Variants in TAFA1 observed in about 807,000 individuals in gnomAD.
TAFA1 encodes the protein chemokine-like protein TAFA-1.
Under a neutral mutation model 18.5 loss-of-function variants are expected in TAFA1, and 4 were observed. The ratio of observed to expected loss-of-function variants is 0.22; its 90% CI spans 0.11 to 0.49. The LOEUF (loss-of-function observed/expected upper bound fraction) is 0.49. Among genes scored for constraint, TAFA1 ranks in the 20% least tolerant of loss-of-function variants. The pLI, the probability that TAFA1 is intolerant of heterozygous loss-of-function variation, is 0.98. For synonymous variants in TAFA1, 56 were observed against 55.2 expected (o/e 1.01, Z -0.06); for missense variants, 147 against 169.0 (o/e 0.87, Z 0.72).
chr3:68,144,875 A>G (rs761760014), intron 2 of TAFA1: 6 of 641,930 alleles, frequency 9.3e-6, no homozygotes, highest in African/African-American at 1.8e-5. Context: ...TTACATTTAC[A>G]TTCCATTTCC....
At chr3:68,309,947 C>T (rs1049659981) in intron 2 of TAFA1, among the ~76,000 whole-genome samples, 4 of 152,186 alleles carry the variant, frequency 2.6e-5, no homozygotes, top group African/African-American at 9.7e-5. Flanking sequence ...AGACTACTGC[C>T]AGCCCACATG....
chr3:68,052,002 A>C (rs1029047069), intron 2 of TAFA1, among the ~76,000 whole-genome samples: 10 of 152,152 alleles, frequency 6.6e-5, no homozygotes, highest in African/African-American at 2.2e-4. Context: ...CTTTGTTGTA[A>C]TTTAAGGAAG....
At chr3:68,317,027 T>G (rs115149406) in intron 2 of TAFA1, among the ~76,000 whole-genome samples, 165 of 152,314 alleles carry the variant, frequency 1.1e-3, no homozygotes, top group African/African-American at 3.8e-3. Flanking sequence ...ACTTAATATT[T>G]AGAATAGCTG....
intron 2 of TAFA1, among the ~76,000 whole-genome samples, chr3:68,019,416 C>A (rs1157447397): frequency 6.6e-6 from 1 of 152,184 alleles, no homozygotes; most frequent in Non-Finnish European, 1.5e-5. Flanking sequence ...GATAAATCTA[C>A]ATTTATTAGA....
intron 3 of TAFA1, among the ~76,000 whole-genome samples, chr3:68,465,647 G>A (rs1350470266): frequency 6.6e-6 from 1 of 152,150 alleles, no homozygotes; most frequent in Non-Finnish European, 1.5e-5. Flanking sequence ...GGTGAAATCT[G>A]TTCCAAAGTT....
chr3:68,417,477 T>C (rs1486678572), intron 3 of TAFA1, 57 bp downstream of exon 3: 2 of 1,527,306 alleles, frequency 1.3e-6, no homozygotes, highest in East Asian at 4.5e-5. Flanking sequence ...ATACATAATA[T>C]AATTTCTTGT....
At chr3:68,146,379 C>G (rs1028992903) in intron 2 of TAFA1, among the ~76,000 whole-genome samples, 14 of 152,078 alleles carry the variant, frequency 9.2e-5, no homozygotes, top group African/African-American at 3.4e-4. Flanking sequence ...TTAAGAGGTG[C>G]CTTTGACTCT....
At chr3:68,171,363 A>G (rs2066051239) in intron 2 of TAFA1, among the ~76,000 whole-genome samples, 1 of 152,198 alleles carries the variant, frequency 6.6e-6, no homozygotes. Context: ...TCCTTCTGAC[A>G]TGATAATATT....
At chr3:68,459,175 C>T (rs1231447389) in intron 3 of TAFA1, among the ~76,000 whole-genome samples, 4 of 152,180 alleles carry the variant, frequency 2.6e-5, no homozygotes, top group South Asian at 2.1e-4. Context: ...TGCTCATCAG[C>T]TGAGGGCAAT....
chr3:68,531,691 C>T (rs974273942), intron 3 of TAFA1, among the ~76,000 whole-genome samples: 1 of 152,140 alleles, frequency 6.6e-6, no homozygotes, highest in Non-Finnish European at 1.5e-5. Context: ...CTGCTGATCA[C>T]CAGCTTCAGG....
chr3:68,188,750 AGAACCATGGTAGG>A (rs1207697446), intron 2 of TAFA1, among the ~76,000 whole-genome samples: 2 of 151,946 alleles, frequency 1.3e-5, no homozygotes, highest in East Asian at 3.9e-4. Flanking sequence ...CACTAAGGAC[AGAACCATGGTAGG>A]GAACAATGAC....
intron 2 of TAFA1, among the ~76,000 whole-genome samples, chr3:68,280,945 C>T (rs1159542951): frequency 6.6e-6 from 1 of 151,998 alleles, no homozygotes; most frequent in African/African-American, 2.4e-5. Context: ...ATTATAACAC[C>T]AGTATCTATT....
intron 2 of TAFA1, among the ~76,000 whole-genome samples, chr3:68,056,160 T>C (rs2106714634): frequency 6.6e-6 from 1 of 152,298 alleles, no homozygotes; most frequent in East Asian, 1.9e-4. Flanking sequence ...GGTAAGAGTC[T>C]CAGCAGTTAT....
chr3:68,422,883 CTCAAT>C (rs2070982841), intron 3 of TAFA1, among the ~76,000 whole-genome samples: 1 of 151,862 alleles, frequency 6.6e-6, no homozygotes, highest in Admixed American at 6.6e-5. Context: ...GAGCATGCTA[CTCAAT>C]ATCTTTAGTT....
intron 3 of TAFA1, among the ~76,000 whole-genome samples, chr3:68,502,795 T>A (rs757240314): frequency 1.3e-5 from 2 of 152,078 alleles, no homozygotes; most frequent in African/African-American, 4.8e-5. Flanking sequence ...GTCTGAAGAT[T>A]TTCCCCACAA....
chr3:68,359,651 T>A (rs1559632687), intron 2 of TAFA1, among the ~76,000 whole-genome samples: 1 of 151,722 alleles, frequency 6.6e-6, no homozygotes, highest in East Asian at 1.9e-4. Flanking sequence ...ACACCTTGAG[T>A]TTAACCCAGT....
At chr3:68,451,063 T>C (rs1267042060) in intron 3 of TAFA1, among the ~76,000 whole-genome samples, 1 of 152,228 alleles carries the variant, frequency 6.6e-6, no homozygotes, top group Non-Finnish European at 1.5e-5. Context: ...GTCCAGGCTC[T>C]TGACTTCATT....
intron 2 of TAFA1, among the ~76,000 whole-genome samples, chr3:68,281,142 T>C (rs1297838390): frequency 6.6e-6 from 1 of 152,150 alleles, no homozygotes; most frequent in Non-Finnish European, 1.5e-5. Flanking sequence ...ATTTACATTG[T>C]TCCTTTTGAT....
intron 2 of TAFA1, among the ~76,000 whole-genome samples, chr3:68,131,667 G>A (rs1483551661): frequency 6.6e-6 from 1 of 152,164 alleles, no homozygotes; most frequent in Non-Finnish European, 1.5e-5. Flanking sequence ...TGCTGCAGAG[G>A]GGCTGGGCTG....
Sources: allele counts gnomAD v4.1 joint callset (sites outside exome capture counted in the v4.1 genomes callset), GRCh38; gene constraint gnomAD v4.1.1; transcripts MANE v1.5; gene names NCBI Gene and HGNC (gene_info 2026-07-23, HGNC 2026-07-21).